ADAM18: variants seen among roughly 807,000 people sequenced by gnomAD.
ADAM18 encodes the protein disintegrin and metalloproteinase domain-containing protein 18.
Under a neutral mutation model 94.4 loss-of-function variants are expected in ADAM18, and 117 were observed. The observed-to-expected ratio is 1.24, with a 90% confidence interval of 1.07 to 1.45. ADAM18 has a LOEUF of 1.45. Ranked by LOEUF, ADAM18 falls within the 40% of genes most tolerant of loss-of-function variation. The pLI, the probability that ADAM18 is intolerant of heterozygous loss-of-function variation, is 0.00. For synonymous variants in ADAM18, 327 were observed against 291.6 expected, an observed-to-expected ratio of 1.12 and a Z score of -1.24; for missense variants, 936 against 880.0, an observed-to-expected ratio of 1.06 and a Z score of -0.81.
intron 2 of ADAM18, among the ~76,000 whole-genome samples, chr8:39,591,242 A>G (rs112558795): frequency 7.9e-4 from 120 of 152,304 alleles, no homozygotes; most frequent in African/African-American, 2.8e-3. Flanking sequence ...ATTTCTTAAA[A>G]TAAGACAATG....
rs145458758 is a variant in ADAM18, at chr8:39,728,123, A to T, written c.2178-1775A>T. ...CTTTGAAATGGCCAGATCTTGCAAG[A>T]ACTCACTATTACCAGGACAGCACCA... On this transcript the variant is annotated intron_variant, in intron 19 of 19. Transcript: ENST00000265707. Among the ~76,000 whole-genome samples, 457 of 152,180 alleles carry T rather than the reference A, an allele frequency of 3.0e-3. 1 individual carries two copies. Among genetic ancestry groups the T allele is most frequent in the African/African-American group, 0.01 (435 of 41,490 alleles).
intron 2 of ADAM18, among the ~76,000 whole-genome samples, chr8:39,599,113 A>AT (rs377232085): frequency 3.9e-5 from 6 of 152,146 alleles, no homozygotes; most frequent in African/African-American, 1.4e-4. Flanking sequence ...GCCAGGCTGG[A>AT]TTTTTTCAAA....
chr8:39,687,870 C>A (rs1464690347), intron 16 of ADAM18, among the ~76,000 whole-genome samples: 1 of 152,118 alleles, frequency 6.6e-6, no homozygotes, highest in Non-Finnish European at 1.5e-5. Context: ...TCCAGCCCAC[C>A]ATTAATGGGC....
At chr8:39,585,664 C>A (rs894315298) in intron 2 of ADAM18, among the ~76,000 whole-genome samples, 1 of 152,062 alleles carries the variant, frequency 6.6e-6, no homozygotes, top group Admixed American at 6.5e-5. Context: ...AACAAATTAA[C>A]AAATTTTTTA....
Position 39,692,000 on chromosome 8 carries a change from A to C in ADAM18, c.1822-600A>C, listed in dbSNP as rs573839929. ...TTTTATGGTGACACTTTGAAATAAA[A>C]AAGAAGCTTGCAAAGTCAGAAAAAA... On this transcript the variant is annotated intron_variant, in intron 16 of 19. Coordinates refer to ENST00000265707, the MANE Select transcript of ADAM18 (RefSeq NM_014237.3). 4.0e-5 allele frequency among the ~76,000 whole-genome samples: 6 copies of C among 150,306 alleles called. No individual in the cohort carries two copies. The East Asian group carries it at 1.2e-3, about 29-fold the overall frequency.
At chr8:39,647,274 A>G (rs1270705605) in intron 11 of ADAM18, among the ~76,000 whole-genome samples, 1 of 151,330 alleles carries the variant, frequency 6.6e-6, no homozygotes, top group African/African-American at 2.4e-5. Context: ...AATCTATGTC[A>G]TAATTAAGTT....
intron 7 of ADAM18, among the ~76,000 whole-genome samples, chr8:39,637,019 TTATA>T (rs35248371): frequency 0.084 from 4,400 of 52,606 alleles, 85 homozygotes; most frequent in East Asian, 0.11. Context: ...TGTGTGTATT[TTATA>T]TATATATATA....
chr8:39,604,201 T>C (rs1329306759), intron 2 of ADAM18, among the ~76,000 whole-genome samples: 1 of 152,174 alleles, frequency 6.6e-6, no homozygotes, highest in Non-Finnish European at 1.5e-5. Context: ...TTTCTTGAAA[T>C]GAAAAATAGT....
rs184596338 is a variant in ADAM18 at position 39,666,581 on chromosome 8, G to A, written c.1327-1417G>A. Among the ~76,000 whole-genome samples, 674 of 152,282 alleles carry A rather than the reference G, an allele frequency of 4.4e-3. 2 individuals are homozygous for A. The highest frequency in any genetic ancestry group is 0.015 in the African/African-American group (630 of 41,552). ...ATTTACAAAAGAAAGAAGTTTAATG[G>A]ACTCGCAGCTCCTCATGGCTGGGAA... is the stretch of plus-strand genomic sequence containing the variant. On this transcript the variant is annotated intron_variant, in intron 13 of 19. Coordinates refer to ENST00000265707, the MANE Select transcript of ADAM18 (RefSeq NM_014237.3).
chr8:39,589,237 A>G (rs1427864231), intron 2 of ADAM18, among the ~76,000 whole-genome samples: 1 of 152,168 alleles, frequency 6.6e-6, no homozygotes, highest in Non-Finnish European at 1.5e-5. Context: ...CAACTCCTTA[A>G]TGTTACTGGC....
intron 7 of ADAM18, among the ~76,000 whole-genome samples, chr8:39,630,227 A>G (rs1418757006): frequency 1.3e-5 from 2 of 151,658 alleles, no homozygotes; most frequent in African/African-American, 4.8e-5. Flanking sequence ...TTTATTTTTA[A>G]AATTAGTACT....
intron 19 of ADAM18, among the ~76,000 whole-genome samples, chr8:39,728,839 G>A (rs201995): frequency 0.059 from 9,032 of 152,188 alleles, 356 homozygotes; most frequent in Middle Eastern, 0.11. Context: ...TGCATGAAAG[G>A]TATACAAGCA....
intron 7 of ADAM18, among the ~76,000 whole-genome samples, chr8:39,637,047 A>ATGTG (rs1563285268): frequency 7.6e-6 from 1 of 130,790 alleles, no homozygotes; most frequent in Non-Finnish European, 1.7e-5. Context: ...ATATATATAT[A>ATGTG]TATATATATA....
intron 17 of ADAM18, among the ~76,000 whole-genome samples, chr8:39,700,784 A>G (rs181719008): frequency 3.4e-4 from 52 of 152,188 alleles, no homozygotes; most frequent in African/African-American, 9.6e-4. Context: ...TGCTGTTCAT[A>G]TAAGACTTAG....
chr8:39,659,424 T>C (rs1038338485), intron 12 of ADAM18, among the ~76,000 whole-genome samples: 2 of 151,594 alleles, frequency 1.3e-5, no homozygotes, highest in African/African-American at 4.8e-5. Flanking sequence ...TGATATATTA[T>C]GAAAGAAAAC....
chr8:39,721,046 C>T (rs1286574504), intron 18 of ADAM18, among the ~76,000 whole-genome samples: 2 of 151,440 alleles, frequency 1.3e-5, no homozygotes, highest in African/African-American at 2.4e-5. Context: ...TTAGAATAAA[C>T]ATTTTGCAAC....
intron 17 of ADAM18, among the ~76,000 whole-genome samples, chr8:39,696,166 C>A (rs1597697): frequency 0.019 from 2,926 of 151,416 alleles, 89 homozygotes; most frequent in African/African-American, 0.066. Context: ...AGCTTTATTT[C>A]CCTTATTGGC....
At chr8:39,617,353 C>T (rs920983533) in intron 6 of ADAM18, among the ~76,000 whole-genome samples, 2 of 152,026 alleles carry the variant, frequency 1.3e-5, no homozygotes, top group Non-Finnish European at 2.9e-5. Context: ...CAGATACTCA[C>T]GAGGCTGTGG....
rs560042141 is a variant in ADAM18 at position 39,676,813 on chromosome 8, G to A, written c.1526-618G>A. 2.0e-5 allele frequency among the ~76,000 whole-genome samples: 3 copies of A among 152,304 alleles called. No homozygotes were observed. In the East Asian group the frequency reaches 5.8e-4, roughly 29 times the overall value. ...ATTTTCTATTCCTATTTGAAAAGAA[G>A]ATTAGAAACAGTTTACATTCACATA... On this transcript the variant is annotated intron_variant, in intron 14 of 19. Coordinates refer to ENST00000265707, the MANE Select transcript of ADAM18 (RefSeq NM_014237.3).
Sources: allele counts gnomAD v4.1 joint callset (sites outside exome capture counted in the v4.1 genomes callset), GRCh38; gene constraint gnomAD v4.1.1; transcripts MANE v1.5; gene names NCBI Gene and HGNC (gene_info 2026-07-23, HGNC 2026-07-21).